The following GALNT17 variants were observed in gnomAD, a reference collection of about 807,000 sequenced individuals.
The protein encoded by GALNT17 is UDP-GalNAc:polypeptide N-acetylgalactosaminyltransferase-like 3.
A neutral mutation model predicts 63.7 loss-of-function variants in GALNT17; 29 were observed. The ratio of observed to expected loss-of-function variants is 0.46; its 90% CI spans 0.34 to 0.62. The LOEUF is 0.62. Ranked by LOEUF, GALNT17 falls within the 20% of genes least tolerant of loss-of-function variation. GALNT17 has a pLI of 0.01. For missense variants in GALNT17, 603 were observed against 799.6 expected, an observed-to-expected ratio of 0.75 and a Z score of 2.97; for synonymous variants, 305 against 318.3, an observed-to-expected ratio of 0.96 and a Z score of 0.45.
At chr7:71,616,370 A>G (rs996628841) in intron 6 of GALNT17, among the ~76,000 whole-genome samples, 5 of 151,558 alleles carry the variant, frequency 3.3e-5, no homozygotes, top group Admixed American at 1.3e-4. Context: ...CTTTTTTACC[A>G]TATGAACTGG....
intron 5 of GALNT17, among the ~76,000 whole-genome samples, chr7:71,534,004 C>T (rs552250396): frequency 2.6e-5 from 4 of 152,064 alleles, no homozygotes; most frequent in Non-Finnish European, 4.4e-5. Context: ...TGTCCAGATG[C>T]GGTAATCTGG....
chr7:71,358,185 C>G (rs1028109689), intron 2 of GALNT17, among the ~76,000 whole-genome samples: 1 of 152,150 alleles, frequency 6.6e-6, no homozygotes, highest in Non-Finnish European at 1.5e-5. Context: ...AGCGAGACCA[C>G]GAGCCCACAG....
intron 2 of GALNT17, among the ~76,000 whole-genome samples, chr7:71,343,523 C>T (rs941538568): frequency 6.6e-5 from 10 of 152,060 alleles, no homozygotes; most frequent in Admixed American, 2.6e-4. Flanking sequence ...GTTTTAATTC[C>T]GTGACTATTT....
At chr7:71,546,665 G>T (rs1354636050) in intron 5 of GALNT17, among the ~76,000 whole-genome samples, 1 of 152,212 alleles carries the variant, frequency 6.6e-6, no homozygotes, top group African/African-American at 2.4e-5. Flanking sequence ...CTCAAAAGCA[G>T]ATACTCTTAC....
chr7:71,608,161 C>T (rs923248845), intron 6 of GALNT17, among the ~76,000 whole-genome samples: 2 of 152,168 alleles, frequency 1.3e-5, no homozygotes, highest in African/African-American at 2.4e-5. Context: ...CTCTCAGAAA[C>T]GTGCATGTGA....
At chr7:71,635,470 G>A (rs914607033) in intron 6 of GALNT17, among the ~76,000 whole-genome samples, 1 of 152,138 alleles carries the variant, frequency 6.6e-6, no homozygotes, top group South Asian at 2.1e-4. Flanking sequence ...AAGTACATTC[G>A]GATGGTTGAG....
chr7:71,137,296 C>T (rs1248990013), intron 1 of GALNT17, among the ~76,000 whole-genome samples: 4 of 152,014 alleles, frequency 2.6e-5, no homozygotes, highest in South Asian at 2.1e-4. Flanking sequence ...TCCGCCACCA[C>T]GCCCGGCTAA....
At chr7:71,593,541 G>T (rs1026188843) in intron 6 of GALNT17, among the ~76,000 whole-genome samples, 1 of 152,150 alleles carries the variant, frequency 6.6e-6, no homozygotes, top group Admixed American at 6.5e-5. Context: ...TGGGATTACA[G>T]GCGTGAGCCA....
intron 5 of GALNT17, among the ~76,000 whole-genome samples, chr7:71,438,890 T>A (rs1353397692): frequency 6.6e-6 from 1 of 151,860 alleles, no homozygotes; most frequent in Non-Finnish European, 1.5e-5. Flanking sequence ...ATAGACTTTT[T>A]TTTTTTTTTT....
At chr7:71,197,684 GGA>G (rs1789080637) in intron 1 of GALNT17, among the ~76,000 whole-genome samples, 1 of 151,850 alleles carries the variant, frequency 6.6e-6, no homozygotes, top group Admixed American at 6.6e-5. Flanking sequence ...CACAAATAAG[GGA>G]GAGTCAGCAA....
At chr7:71,225,295 G>A (rs1422360392) in intron 1 of GALNT17, among the ~76,000 whole-genome samples, 1 of 152,208 alleles carries the variant, frequency 6.6e-6, no homozygotes, top group Admixed American at 6.5e-5. Flanking sequence ...CAGAAATTGT[G>A]CTTCACTACC....
chr7:71,343,908 C>T (rs1007392210), intron 2 of GALNT17, among the ~76,000 whole-genome samples: 11 of 151,246 alleles, frequency 7.3e-5, no homozygotes, highest in African/African-American at 2.7e-4. Context: ...TTCTTTTGGT[C>T]TGTATTTCTT....
At chr7:71,477,258 GC>G (rs1230329492) in intron 5 of GALNT17, among the ~76,000 whole-genome samples, 1 of 152,210 alleles carries the variant, frequency 6.6e-6, no homozygotes, top group Admixed American at 6.5e-5. Flanking sequence ...AGGCTTCCCT[GC>G]CCAGTGGAAG....
intron 6 of GALNT17, among the ~76,000 whole-genome samples, chr7:71,597,204 ATT>A (rs1202824585): frequency 1.3e-5 from 2 of 150,540 alleles, no homozygotes; most frequent in Non-Finnish European, 2.9e-5. Flanking sequence ...TGCCCGGCTA[ATT>A]TTTTTTGTAT....
At chr7:71,574,203 G>T (rs572760863) in intron 6 of GALNT17, among the ~76,000 whole-genome samples, 1 of 152,296 alleles carries the variant, frequency 6.6e-6, no homozygotes, top group Admixed American at 6.5e-5. Context: ...TGGGTCAAAT[G>T]GTAATTCTAT....
intron 1 of GALNT17, among the ~76,000 whole-genome samples, chr7:71,217,495 G>A (rs1341187463): frequency 6.6e-6 from 1 of 151,746 alleles, no homozygotes; most frequent in East Asian, 1.9e-4. Flanking sequence ...TTTTATCTAG[G>A]GATGTGACTG....
At chr7:71,439,142 G>T (rs1787020978) in intron 5 of GALNT17, among the ~76,000 whole-genome samples, 1 of 152,102 alleles carries the variant, frequency 6.6e-6, no homozygotes. Flanking sequence ...TCCCACCTCG[G>T]CCTCCCAAAG....
At chr7:71,388,471 C>G (rs1041093277) in intron 3 of GALNT17, 70 bp downstream of exon 3, 2 of 1,541,060 alleles carry the variant, frequency 1.3e-6, no homozygotes, top group Non-Finnish European at 1.8e-6. Flanking sequence ...CATTCCAACG[C>G]GAGCCCGAGC....
At chr7:71,634,162 A>T (rs1199020063) in intron 6 of GALNT17, among the ~76,000 whole-genome samples, 2 of 152,022 alleles carry the variant, frequency 1.3e-5, no homozygotes, top group East Asian at 3.9e-4. Flanking sequence ...TCCAGTGTCT[A>T]TTACTTCCAT....
Sources: allele counts gnomAD v4.1 joint callset (sites outside exome capture counted in the v4.1 genomes callset), GRCh38; gene constraint gnomAD v4.1.1; transcripts MANE v1.5; gene names NCBI Gene and HGNC (gene_info 2026-07-23, HGNC 2026-07-21).